The following GLYAT variants were observed in gnomAD, a reference collection of about 807,000 sequenced individuals.
The protein encoded by GLYAT is glycine-N-acyltransferase, also known as glycine N-acyltransferase.
Under a neutral mutation model 22.8 loss-of-function variants are expected in GLYAT, and 25 were observed. That is an observed-to-expected ratio of 1.09 (90% CI 0.80 to 1.53). GLYAT has a LOEUF of 1.53. GLYAT is among the 40% of genes most tolerant of loss of function. The pLI is 0.00. For synonymous variants in GLYAT, 140 were observed against 122.7 expected (o/e 1.14, Z -0.93); for missense variants, 411 against 353.9 (o/e 1.16, Z -1.29).
chr11:58,726,210 C>G (rs1457001129), intron 1 of GLYAT, among the ~76,000 whole-genome samples: 1 of 152,050 alleles, frequency 6.6e-6, no homozygotes, highest in East Asian at 1.9e-4. Flanking sequence ...GGGCATGGAG[C>G]CTTCTCCTGC....
chr11:58,710,240 T>A (rs1856597012), intron 5 of GLYAT, 72 bp from the exon 6 acceptor site: 3 of 1,520,560 alleles, frequency 2.0e-6, no homozygotes. Context: ...CTCTATTGTC[T>A]TGAGAGACAG....
At chr11:58,725,241 C>T (rs887833465) in intron 1 of GLYAT, among the ~76,000 whole-genome samples, 3 of 152,130 alleles carry the variant, frequency 2.0e-5, no homozygotes, top group African/African-American at 4.8e-5. Context: ...AAGCCTTATA[C>T]TAGGATCTGT....
At chr11:58,719,778 C>T (rs1397091253) in intron 2 of GLYAT, among the ~76,000 whole-genome samples, 1 of 151,918 alleles carries the variant, frequency 6.6e-6, no homozygotes, top group Non-Finnish European at 1.5e-5. Context: ...ACTTTAAAAG[C>T]ATATACAGGA....
rs567844506 is a variant in GLYAT at position 58,728,851 on chromosome 11, G to GAAGAAAGAAAGAAAGA, written c.-16+2968_-16+2983dup. 3.9e-3 allele frequency: 351 copies of GAAGAAAGAAAGAAAGA among 90,672 alleles called. 6 individuals are homozygous for GAAGAAAGAAAGAAAGA. The highest frequency in any genetic ancestry group is 0.024 in the Middle Eastern group (4 of 170). 5.6% of individuals were successfully genotyped at this position (90,672 alleles called of 1,614,324 possible). A position where few individuals can be genotyped will look rare whatever the true frequency, so the allele number is the denominator to read the frequency against. On this transcript the variant is annotated intron_variant, in intron 1 of 5. Transcript: ENST00000344743. ...AAGAAAAAGAAAAAAAGGAAAGAAA[G>GAAGAAAGAAAGAAAGA]AAGAAAGAAAGAAAGAAAGAAAGAA...
intron 2 of GLYAT, among the ~76,000 whole-genome samples, chr11:58,715,837 T>A (rs931234459): frequency 1.3e-5 from 2 of 152,204 alleles, no homozygotes; most frequent in African/African-American, 4.8e-5. Context: ...TGATGACATC[T>A]CAGCTGTTTT....
At position 58,709,687 on chromosome 11, in the gene GLYAT, T is replaced by G. The variant is rs1856584669; in HGVS notation, c.*79A>C. On this transcript the variant is annotated 3_prime_UTR_variant, in exon 6 of 6. Transcript: ENST00000344743. ...TCCTTTACTGCTGATTACAATTTAT[T>G]ATTTCTTTTCATCCACCATCCACTC... 7 of 1,436,378 alleles carry G rather than the reference T, an allele frequency of 4.9e-6. No homozygotes were observed. The highest frequency in any genetic ancestry group is 6.6e-6 in the Non-Finnish European group (7 of 1,055,768). 89.0% of individuals were successfully genotyped at this position (1,436,378 alleles called of 1,614,324 possible).
rs1163839037 is a variant in GLYAT, at chr11:58,709,980, C to T, written c.677G>A (p.Gly226Glu). 1.2e-6 allele frequency: 2 copies of T among 1,613,974 alleles called. No homozygotes were observed. Among genetic ancestry groups the T allele is most frequent in the Non-Finnish European group, 1.7e-6 (2 of 1,179,982 alleles). ...CAAGGTGCCTGCCATTCTCATCTCTCCAGTCTGGTCCATTAGATCCCAGCA... is the reference window on the plus strand; with the variant it reads ...CAAGGTGCCTGCCATTCTCATCTCTTCAGTCTGGTCCATTAGATCCCAGCA... ...PVCWDLMDQT[G>E]EMRMAGTLPE... The change falls in exon 6 of 6, where the codon GGA becomes GAA. Residue 226 changes from glycine (G) to glutamate (E), a missense_variant. Transcript: ENST00000344743.
At chr11:58,710,514 G>A (rs1856600921) in intron 5 of GLYAT, 76 bp downstream of exon 5, 2 of 1,077,252 alleles carry the variant, frequency 1.9e-6, no homozygotes, top group Non-Finnish European at 2.9e-6. Flanking sequence ...AGGAAAGCCA[G>A]AGTGAATGCA....
chr11:58,719,799 A>T (rs1856726960), intron 2 of GLYAT, among the ~76,000 whole-genome samples: 1 of 152,066 alleles, frequency 6.6e-6, no homozygotes, highest in Admixed American at 6.6e-5. Context: ...AGATACATGG[A>T]TGTAATAATC....
chr11:58,717,846 T>C (rs1856702916), intron 2 of GLYAT, among the ~76,000 whole-genome samples: 1 of 152,072 alleles, frequency 6.6e-6, no homozygotes, highest in Non-Finnish European at 1.5e-5. Context: ...GCTTTTAAAT[T>C]GGCTTTGATG....
chr11:58,714,311 A>G (rs955261787), intron 3 of GLYAT, among the ~76,000 whole-genome samples: 1 of 152,166 alleles, frequency 6.6e-6, no homozygotes, highest in African/African-American at 2.4e-5. Flanking sequence ...AATTGCTGAG[A>G]GAGTAGATTT....
chr11:58,718,876 T>A (rs116968485), intron 2 of GLYAT, among the ~76,000 whole-genome samples: 2,861 of 152,102 alleles, frequency 0.019, 32 homozygotes, highest in South Asian at 0.045. Flanking sequence ...CACAATATGA[T>A]TATTATTGAT....
Position 58,716,801 on chromosome 11 carries a change from C to T in GLYAT, c.82-1378G>A, listed in dbSNP as rs73473884. ...GTGAAACAGCCTTGGGAAGTCCTGA[C>T]GACACATGCCCAAGGTGGCTGGGCA... On this transcript the variant is annotated intron_variant, in intron 2 of 5. Transcript: ENST00000344743. 2.8e-3 allele frequency among the ~76,000 whole-genome samples: 427 copies of T among 152,154 alleles called. 2 individuals are homozygous for T. Among genetic ancestry groups the T allele is most frequent in the African/African-American group, 9.8e-3 (406 of 41,520 alleles).
At chr11:58,726,195 A>G (rs572856) in intron 1 of GLYAT, among the ~76,000 whole-genome samples, 114,590 of 151,856 alleles carry the variant, frequency 0.75, 43,800 homozygotes, top group Middle Eastern at 0.92. Flanking sequence ...TGGGTGTGGG[A>G]TGTGGGGCAT....
At chr11:58,715,447 A>C in intron 2 of GLYAT, 24 bp from the exon 3 acceptor site, 9 of 1,073,206 alleles carry the variant, frequency 8.4e-6, no homozygotes, top group Non-Finnish European at 1.3e-5. Flanking sequence ...AGAAATTGAC[A>C]GGGTTGGTTT....
In GLYAT at chr11:58,709,674, G is replaced by A; in HGVS notation, c.*92C>T. ...AAACAGTGCCCACTCCTTTACTGCT[G>A]ATTACAATTTATTATTTCTTTTCAT... On this transcript the variant is annotated 3_prime_UTR_variant, in exon 6 of 6. Coordinates refer to ENST00000344743, the MANE Select transcript of GLYAT (RefSeq NM_201648.3). 2 of 1,367,650 alleles carry A rather than the reference G, an allele frequency of 1.5e-6. No homozygotes were observed. Among genetic ancestry groups the A allele is most frequent in the Non-Finnish European group, 2.0e-6 (2 of 995,086 alleles). The allele number at this position is 1,367,650 out of a possible 1,614,324, so 84.7% of individuals were successfully genotyped here. A position where few individuals can be genotyped will look rare whatever the true frequency, so the allele number is the denominator to read the frequency against.
chr11:58,710,290 T>C, intron 5 of GLYAT, 122 bp from the exon 6 acceptor site: 2 of 1,422,200 alleles, frequency 1.4e-6, no homozygotes, highest in Non-Finnish European at 1.8e-6. Context: ...TCCTGGAATA[T>C]AGATGAGCTT....
intron 3 of GLYAT, among the ~76,000 whole-genome samples, chr11:58,713,621 A>G (rs1186637106): frequency 2.0e-5 from 3 of 152,176 alleles, no homozygotes; most frequent in Non-Finnish European, 2.9e-5. Flanking sequence ...AGAGAAACAA[A>G]CAATCCACTT....
intron 2 of GLYAT, among the ~76,000 whole-genome samples, chr11:58,721,639 T>C (rs1590672136): frequency 6.6e-6 from 1 of 152,154 alleles, no homozygotes; most frequent in Non-Finnish European, 1.5e-5. Context: ...TTTTAACAAT[T>C]GAGCTCCTTA....
Sources: gnomAD v4.1 joint callset for allele counts (sites outside exome capture counted in the v4.1 genomes callset) on GRCh38, gnomAD v4.1.1 for gene constraint, MANE v1.5 for transcripts, NCBI Gene and HGNC (gene_info 2026-07-23, HGNC 2026-07-21) for gene names.